TRIP12: variants seen among roughly 807,000 people sequenced by gnomAD.
TRIP12 encodes E3 ubiquitin-protein ligase TRIP12.
A neutral mutation model predicts 244.2 loss-of-function variants in TRIP12; 25 were observed. That is an observed-to-expected ratio of 0.10 (90% CI 0.07 to 0.14). The LOEUF (loss-of-function observed/expected upper bound fraction) is 0.14. TRIP12 is among the 10% of genes least tolerant of loss of function. The pLI, the probability that TRIP12 is intolerant of heterozygous loss-of-function variation, is 1.00. For missense variants in TRIP12, 1,677 were observed against 2,486.4 expected, an observed-to-expected ratio of 0.67 and a Z score of 6.92; for synonymous variants, 905 against 873.1, an observed-to-expected ratio of 1.04 and a Z score of -0.64.
At chr2:229,886,530 C>T (rs7597651) in intron 1 of TRIP12, among the ~76,000 whole-genome samples, 2 of 151,508 alleles carry the variant, frequency 1.3e-5, no homozygotes, top group African/African-American at 2.4e-5. Flanking sequence ...GGCGCGATCT[C>T]GGTTCACTGC....
At chr2:229,903,509 A>G (rs915395300) in intron 1 of TRIP12, among the ~76,000 whole-genome samples, 4 of 152,072 alleles carry the variant, frequency 2.6e-5, no homozygotes, top group Non-Finnish European at 5.9e-5. Context: ...GAGCAAGTAG[A>G]AGGCAAGAAA....
At chr2:229,916,868 A>AG (rs1040911268) in intron 1 of TRIP12, among the ~76,000 whole-genome samples, 5 of 151,738 alleles carry the variant, frequency 3.3e-5, no homozygotes, top group Admixed American at 2.0e-4. Context: ...CTTAAAAAAA[A>AG]AAAAAGAAAA....
intron 4 of TRIP12, among the ~76,000 whole-genome samples, chr2:229,842,034 T>C (rs896564566): frequency 6.6e-6 from 1 of 152,208 alleles, no homozygotes; most frequent in African/African-American, 2.4e-5. Context: ...TTCAAGAATC[T>C]GCAAACATGA....
chr2:229,778,822 G>GTC lies in TRIP12; in HGVS notation c.5209+52_5209+53dup. On this transcript the variant is annotated intron_variant, in intron 35 of 41. Transcript: ENST00000675903. The surrounding 1 kb of genome is among the most constrained non-coding windows in gnomAD (Gnocchi z 4.1). ...TAAATATGTCTAATAAACTGTCAGAGTCCATTACCTGATCTGAGTAACACA... is the reference window on the plus strand; with the variant it reads ...TAAATATGTCTAATAAACTGTCAGAGTCTCCATTACCTGATCTGAGTAACACA... 6.7e-7 allele frequency: 1 copy of GTC among 1,501,830 alleles called. No individual in the cohort carries two copies. Among genetic ancestry groups the GTC allele is most frequent in the Non-Finnish European group, 9.3e-7 (1 of 1,080,118 alleles). 93.0% of individuals were successfully genotyped at this position (1,501,830 alleles called of 1,614,324 possible).
intron 1 of TRIP12, among the ~76,000 whole-genome samples, chr2:229,916,488 G>A (rs1461709541): frequency 1.3e-5 from 2 of 152,114 alleles, no homozygotes; most frequent in South Asian, 2.1e-4. Flanking sequence ...CTGGAAGGTG[G>A]AGGTTGCAGT....
At chr2:229,771,447 T>C (rs1574708855) in intron 39 of TRIP12, 72 bp downstream of exon 39, 2 of 1,331,228 alleles carry the variant, frequency 1.5e-6, no homozygotes, top group East Asian at 4.7e-5. Flanking sequence ...ATACGGTCTT[T>C]GACTAGGCAG....
intron 6 of TRIP12, among the ~76,000 whole-genome samples, chr2:229,832,556 G>A (rs961914984): frequency 6.6e-6 from 1 of 152,212 alleles, no homozygotes; most frequent in Non-Finnish European, 1.5e-5. Context: ...CAGGTAGGCA[G>A]CATTTATGAA....
chr2:229,779,076 A>G, intron 34 of TRIP12, 86 bp from the exon 35 acceptor site: 2 of 1,062,740 alleles, frequency 1.9e-6, no homozygotes, highest in Non-Finnish European at 2.9e-6. Flanking sequence ...GCACACTAAC[A>G]GCAACTGTTT....
At chr2:229,787,856 G>A (rs1363516256) in intron 32 of TRIP12, among the ~76,000 whole-genome samples, 195 bp from the exon 33 acceptor site, 1 of 152,156 alleles carries the variant, frequency 6.6e-6, no homozygotes, top group Non-Finnish European at 1.5e-5. Flanking sequence ...AGGCTGGAGT[G>A]CAGTGGTGTG....
chr2:229,838,616 T>C (rs1209527593), intron 5 of TRIP12, among the ~76,000 whole-genome samples: 1 of 152,186 alleles, frequency 6.6e-6, no homozygotes, highest in South Asian at 2.1e-4. Context: ...TGACTTCGCA[T>C]ATGGCTTAAA....
chr2:229,785,457 C>G (rs1022608346), intron 34 of TRIP12, among the ~76,000 whole-genome samples: 1 of 152,130 alleles, frequency 6.6e-6, no homozygotes, highest in Non-Finnish European at 1.5e-5. Context: ...CTCAGTAAAC[C>G]TGATTTTTTA....
At position 229,778,623 on chromosome 2, in the gene TRIP12, G is replaced by A; in HGVS notation, c.5210-36C>T. ...AGCAATGCAGCAAACTTCAGATGAT[G>A]TTTCCAAAAACAAAACAAAACCTGG... is the stretch of plus-strand genomic sequence containing the variant. On this transcript the variant is annotated intron_variant, in intron 35 of 41. Coordinates refer to ENST00000675903, the MANE Select transcript of TRIP12 (RefSeq NM_001348323.3). The surrounding 1 kb of genome is among the most constrained non-coding windows in gnomAD (Gnocchi z 4.1). The A allele has an allele frequency of 1.3e-6, 2 of 1,585,866 alleles. No homozygotes were observed. The highest frequency in any genetic ancestry group is 1.7e-6 in the Non-Finnish European group (2 of 1,168,158).
chr2:229,798,378 CTT>C (rs939545378), intron 23 of TRIP12, among the ~76,000 whole-genome samples: 4 of 151,194 alleles, frequency 2.6e-5, no homozygotes, highest in African/African-American at 9.7e-5. Context: ...GACATTTGGT[CTT>C]TTAAAATTTC....
chr2:229,913,141 C>T (rs954423038), intron 1 of TRIP12, among the ~76,000 whole-genome samples: 1 of 152,172 alleles, frequency 6.6e-6, no homozygotes, highest in Non-Finnish European at 1.5e-5. Context: ...TGAGCCACAG[C>T]ACCTGGCTGA....
chr2:229,787,473 A>T, intron 33 of TRIP12, 32 bp downstream of exon 33: 1 of 1,587,098 alleles, frequency 6.3e-7, no homozygotes, highest in East Asian at 2.2e-5. Flanking sequence ...TGAAAAGCTC[A>T]GATTATTTAA....
intron 8 of TRIP12, among the ~76,000 whole-genome samples, chr2:229,822,932 C>T (rs1445826031): frequency 2.0e-5 from 3 of 152,022 alleles, no homozygotes; most frequent in South Asian, 2.1e-4. Context: ...AACTCATTGA[C>T]GGGTTTAACA....
At chr2:229,796,879 A>G in intron 24 of TRIP12, 97 bp from the exon 25 acceptor site, 1 of 1,166,278 alleles carries the variant, frequency 8.6e-7, no homozygotes, top group East Asian at 2.6e-5. Context: ...TATATTCTCA[A>G]CGCCCTTAAA....
At position 229,785,842 on chromosome 2, in the gene TRIP12, C is replaced by T. The variant is rs1553602821; in HGVS notation, c.5009G>A (p.Arg1670Gln). The T allele has an allele frequency of 6.2e-7, 1 of 1,613,382 alleles. No individual in the cohort carries two copies. Among genetic ancestry groups the T allele is most frequent in the Non-Finnish European group, 8.5e-7 (1 of 1,179,722 alleles). ...RLDRKKRTVN[R>Q]EELLKQAESV... ...CTCCGCCTGTTTCAGCAGCTCCTCT[C>T]GGTTCACAGTACGCTACAAAGAAAG... is the stretch of plus-strand genomic sequence containing the variant. Residue 1670 changes from arginine (R) to glutamine (Q), a missense_variant, in exon 34 of 42, where the codon CGA (arginine) becomes CAA (glutamine). This residue lies in a region of TRIP12 where 30 missense variants were observed against 64.7 expected (regional missense o/e 0.46). Coordinates refer to ENST00000675903, the MANE Select transcript of TRIP12 (RefSeq NM_001348323.3).
intron 33 of TRIP12, among the ~76,000 whole-genome samples, chr2:229,786,425 G>A (rs1043081802): frequency 3.6e-5 from 5 of 140,440 alleles, no homozygotes; most frequent in East Asian, 4.1e-4. Flanking sequence ...TTTAGGTGGC[G>A]TCTCGCTCTG....
Sources: allele counts gnomAD v4.1 joint callset (sites outside exome capture counted in the v4.1 genomes callset), GRCh38; gene constraint gnomAD v4.1.1; regional missense constraint gnomAD v4.1.1; non-coding constraint Gnocchi (gnomAD v3.1); transcripts MANE v1.5; gene names NCBI Gene and HGNC (gene_info 2026-07-23, HGNC 2026-07-21).